Variants in MBNL2 observed in about 807,000 individuals in gnomAD.
The protein encoded by MBNL2 is muscleblind like splicing regulator 2.
MBNL2 carries 17 observed loss-of-function variants against 41.9 expected under a neutral mutation model. The ratio of observed to expected loss-of-function variants is 0.41; its 90% CI spans 0.28 to 0.61. The LOEUF is 0.61. MBNL2 is among the 20% of genes least tolerant of loss of function. The pLI is 0.35. For synonymous variants in MBNL2, 195 were observed against 182.9 expected, an observed-to-expected ratio of 1.07 and a Z score of -0.53; for missense variants, 336 against 505.6, an observed-to-expected ratio of 0.66 and a Z score of 3.22.
intron 8 of MBNL2, among the ~76,000 whole-genome samples, chr13:97,367,472 T>TAAAAGATGA (rs1382626999): frequency 6.6e-6 from 1 of 152,176 alleles, no homozygotes; most frequent in Non-Finnish European, 1.5e-5. Flanking sequence ...GCTCTGCTAA[T>TAAAAGATGA]AAAAGATGAC....
intron 2 of MBNL2, among the ~76,000 whole-genome samples, chr13:97,289,211 T>G (rs941848085): frequency 6.6e-6 from 1 of 152,240 alleles, no homozygotes; most frequent in Non-Finnish European, 1.5e-5. Context: ...TATAAAAACT[T>G]ATGTGTTGAA....
the MBNL2 span, among the ~76,000 whole-genome samples, chr13:97,208,124 G>A: frequency 1.3e-5 from 2 of 152,212 alleles, no homozygotes; most frequent in Non-Finnish European, 2.9e-5. Context: ...TAAGTTTGGA[G>A]ATAAACAAAA....
intron 2 of MBNL2, among the ~76,000 whole-genome samples, chr13:97,325,466 C>T (rs905757147): frequency 8.5e-5 from 13 of 152,324 alleles, no homozygotes; most frequent in South Asian, 2.1e-4. Flanking sequence ...TGCAGTGGCT[C>T]ACGCCTGTAA....
intron 3 of MBNL2, among the ~76,000 whole-genome samples, chr13:97,338,771 C>T (rs991943575): frequency 6.6e-6 from 1 of 152,228 alleles, no homozygotes; most frequent in Non-Finnish European, 1.5e-5. Flanking sequence ...TCCGGAGCTG[C>T]TTCTGGCAGT....
At chr13:97,380,128 C>T (rs548623597) in intron 8 of MBNL2, among the ~76,000 whole-genome samples, 5 of 152,270 alleles carry the variant, frequency 3.3e-5, no homozygotes, top group East Asian at 1.9e-4. Context: ...AGTGCAAAGA[C>T]GTATTCTTTC....
intron 1 of MBNL2, among the ~76,000 whole-genome samples, chr13:97,241,572 T>C (rs1479754758): frequency 2.0e-5 from 3 of 152,252 alleles, no homozygotes; most frequent in Non-Finnish European, 4.4e-5. Flanking sequence ...TTCAGAGCAC[T>C]GATTAAAATC....
At chr13:97,253,673 AT>A (rs1302518449) in intron 1 of MBNL2, among the ~76,000 whole-genome samples, 1 of 152,180 alleles carries the variant, frequency 6.6e-6, no homozygotes, top group East Asian at 1.9e-4. Context: ...TATCACTCAT[AT>A]AAAAAATTCT....
chr13:97,310,513 T>C (rs1035847480), intron 2 of MBNL2, among the ~76,000 whole-genome samples: 4 of 151,740 alleles, frequency 2.6e-5, no homozygotes, highest in African/African-American at 9.7e-5. Context: ...CACTGCAAGC[T>C]CCCCATCCCA....
intron 5 of MBNL2, among the ~76,000 whole-genome samples, chr13:97,351,205 G>A (rs1221722126): frequency 1.3e-5 from 2 of 152,150 alleles, no homozygotes; most frequent in African/African-American, 2.4e-5. Flanking sequence ...CTGAGCAGTA[G>A]GTCTCAACTG....
At chr13:97,209,432 G>A in the MBNL2 span, among the ~76,000 whole-genome samples, 1,186 of 152,296 alleles carry the variant, frequency 7.8e-3, 5 homozygotes, top group Middle Eastern at 0.021. Context: ...TTCTCTACTT[G>A]TAAAGTGAAG....
intron 8 of MBNL2, among the ~76,000 whole-genome samples, chr13:97,367,496 A>C (rs2063948695): frequency 6.6e-6 from 1 of 152,178 alleles, no homozygotes; most frequent in Non-Finnish European, 1.5e-5. Context: ...GGATAAAAGA[A>C]ATTAGGGGAA....
At chr13:97,377,037 G>C (rs1022988713) in intron 8 of MBNL2, among the ~76,000 whole-genome samples, 1 of 152,010 alleles carries the variant, frequency 6.6e-6, no homozygotes, top group African/African-American at 2.4e-5. Context: ...ACTGCTCCAG[G>C]GCATACAGAC....
At chr13:97,374,557 C>G (rs1048333226) in intron 8 of MBNL2, among the ~76,000 whole-genome samples, 1 of 151,256 alleles carries the variant, frequency 6.6e-6, no homozygotes, top group Non-Finnish European at 1.5e-5. Flanking sequence ...CCACGCTCAG[C>G]TCATTTTTGT....
At chr13:97,157,748 C>G in the MBNL2 span, among the ~76,000 whole-genome samples, 327 of 127,282 alleles carry the variant, frequency 2.6e-3, no homozygotes, top group South Asian at 3.9e-3. Flanking sequence ...ATGAAGCCCA[C>G]TTGATCATGG....
At chr13:97,380,355 G>A (rs902844025) in intron 8 of MBNL2, among the ~76,000 whole-genome samples, 21 of 152,028 alleles carry the variant, frequency 1.4e-4, no homozygotes, top group African/African-American at 3.9e-4. Flanking sequence ...TTAGCCAGGT[G>A]TGGTGGTGGG....
the MBNL2 span, among the ~76,000 whole-genome samples, chr13:97,159,909 C>T: frequency 3.3e-5 from 5 of 151,610 alleles, no homozygotes; most frequent in African/African-American, 7.3e-5. Flanking sequence ...ATCTTTGTGG[C>T]GTTCTCTGTA....
At chr13:97,302,016 C>G (rs1304515381) in intron 2 of MBNL2, among the ~76,000 whole-genome samples, 1 of 152,186 alleles carries the variant, frequency 6.6e-6, no homozygotes, top group Non-Finnish European at 1.5e-5. Flanking sequence ...TCTCAGAGAT[C>G]ATGTTCTTTA....
At chr13:97,363,310 T>C (rs1271927925) in intron 7 of MBNL2, among the ~76,000 whole-genome samples, 2 of 151,696 alleles carry the variant, frequency 1.3e-5, no homozygotes, top group African/African-American at 4.8e-5. Context: ...AAATGTAGCG[T>C]AGATGAAAAG....
chr13:97,154,475 G>A, the MBNL2 span, among the ~76,000 whole-genome samples: 3 of 151,756 alleles, frequency 2.0e-5, no homozygotes, highest in East Asian at 1.9e-4. Context: ...CCACCACACC[G>A]AGCTAATTTT....
Sources: gnomAD v4.1 joint callset for allele counts (sites outside exome capture counted in the v4.1 genomes callset) on GRCh38, gnomAD v4.1.1 for gene constraint, MANE v1.5 for transcripts, NCBI Gene and HGNC (gene_info 2026-07-23, HGNC 2026-07-21) for gene names.